The following FOXP1 variants were observed in gnomAD, a reference collection of about 807,000 sequenced individuals.
The protein encoded by FOXP1 is forkhead box protein P1.
Under a neutral mutation model 98.2 loss-of-function variants are expected in FOXP1, and 15 were observed. The ratio of observed to expected loss-of-function variants is 0.15; its 90% CI spans 0.10 to 0.24. The LOEUF is 0.24. Ranked by LOEUF, FOXP1 falls within the 10% of genes least tolerant of loss-of-function variation. The pLI is 1.00. For missense variants in FOXP1, 633 were observed against 848.5 expected, an observed-to-expected ratio of 0.75 and a Z score of 3.15; for synonymous variants, 371 against 314.5, an observed-to-expected ratio of 1.18 and a Z score of -1.90.
intron 3 of FOXP1, among the ~76,000 whole-genome samples, chr3:71,418,347 G>C (rs1258612467): frequency 6.6e-6 from 1 of 152,060 alleles, no homozygotes; most frequent in African/African-American, 2.4e-5. Context: ...GGCTGTGACA[G>C]GGCGACCACA....
intron 3 of FOXP1, among the ~76,000 whole-genome samples, chr3:71,423,179 T>C (rs965405084): frequency 6.6e-6 from 1 of 152,218 alleles, no homozygotes; most frequent in Non-Finnish European, 1.5e-5. Context: ...GGTGAATTTA[T>C]GAATCCACAC....
At chr3:71,074,547 G>C (rs1050396229) in intron 7 of FOXP1, among the ~76,000 whole-genome samples, 1 of 152,088 alleles carries the variant, frequency 6.6e-6, no homozygotes, top group African/African-American at 2.4e-5. Context: ...TATTTAATCA[G>C]TATCTTGAAG....
chr3:70,988,361 G>A (rs761013887), intron 13 of FOXP1, among the ~76,000 whole-genome samples: 44 of 152,192 alleles, frequency 2.9e-4, no homozygotes, highest in Non-Finnish European at 4.6e-4. Flanking sequence ...AGACAAATGT[G>A]AATCATGCCT....
chr3:71,574,753 C>T (rs1218117014), intron 2 of FOXP1, among the ~76,000 whole-genome samples: 1 of 152,114 alleles, frequency 6.6e-6, no homozygotes, highest in Non-Finnish European at 1.5e-5. Context: ...CATTGGGAAA[C>T]ATGGATGCAG....
chr3:71,527,808 GTTGT>G (rs1171818142), intron 2 of FOXP1, among the ~76,000 whole-genome samples: 2 of 152,228 alleles, frequency 1.3e-5, no homozygotes, highest in African/African-American at 4.8e-5. Context: ...AGGGAAGCCT[GTTGT>G]TTAAGAATCA....
At chr3:71,320,381 G>A (rs937833355) in intron 4 of FOXP1, among the ~76,000 whole-genome samples, 21 of 151,660 alleles carry the variant, frequency 1.4e-4, no homozygotes, top group South Asian at 4.2e-4. Context: ...ATTCTACCAC[G>A]GACAGACACT....
chr3:71,188,321 G>A (rs151155821), intron 6 of FOXP1, among the ~76,000 whole-genome samples: 1 of 152,110 alleles, frequency 6.6e-6, no homozygotes, highest in African/African-American at 2.4e-5. Flanking sequence ...CTTCAATGTG[G>A]AGAGACCGAA....
Position 70,958,672 on chromosome 3 carries a change from GATAATTATTTTTTAACCCCTCCCCCCAA to G in FOXP1, c.*547_*574del, listed in dbSNP as rs1295949031. On this transcript the variant is annotated 3_prime_UTR_variant, in exon 21 of 21. Coordinates refer to ENST00000649528, the MANE Select transcript of FOXP1 (RefSeq NM_001349338.3). ...AAAAGCAATACATTAAAAAGTTTGG[GATAATTATTTTTTAACCCCTCCCCCCAA>G]TACACACACAAAGGCCTTCCCCATC... 1 of 164,790 alleles carries G rather than the reference GATAATTATTTTTTAACCCCTCCCCCCAA, an allele frequency of 6.1e-6. No individual in the cohort carries two copies. The highest frequency in any genetic ancestry group is 2.9e-5 in the African/African-American group (1 of 34,864). 10.2% of individuals were successfully genotyped at this position (164,790 alleles called of 1,614,324 possible). A position where few individuals can be genotyped will look rare whatever the true frequency, so the allele number is the denominator to read the frequency against.
Position 70,959,198 on chromosome 3 carries a change from T to A in FOXP1, c.*49A>T. 1 of 1,605,098 alleles carries A rather than the reference T, an allele frequency of 6.2e-7. No homozygotes were observed. The highest frequency in any genetic ancestry group is 8.5e-7 in the Non-Finnish European group (1 of 1,173,780). On this transcript the variant is annotated 3_prime_UTR_variant, in exon 21 of 21. Transcript: ENST00000649528. ...CTGCTAACTTTTGACGTGTTTTTTT[T>A]TTTTTCCTTTTTCCAATCTTCATTC...
At chr3:71,038,124 A>C (rs576626514) in intron 11 of FOXP1, among the ~76,000 whole-genome samples, 1 of 152,322 alleles carries the variant, frequency 6.6e-6, no homozygotes, top group East Asian at 1.9e-4. Flanking sequence ...GCACGGGGGC[A>C]AGAGTGGGGG....
At chr3:71,543,493 A>G (rs1336595361) in intron 2 of FOXP1, 1 of 152,456 alleles carries the variant, frequency 6.6e-6, no homozygotes, top group African/African-American at 2.4e-5. Context: ...ATCATCCCAA[A>G]TGTAGTTGAC....
At chr3:71,343,986 T>G (rs2077173149) in intron 4 of FOXP1, among the ~76,000 whole-genome samples, 1 of 152,212 alleles carries the variant, frequency 6.6e-6, no homozygotes, top group Admixed American at 6.5e-5. Context: ...TTGGATATAT[T>G]TTTTTGTACA....
intron 3 of FOXP1, among the ~76,000 whole-genome samples, chr3:71,392,883 T>C (rs1467455954): frequency 6.6e-6 from 1 of 152,210 alleles, no homozygotes; most frequent in Non-Finnish European, 1.5e-5. Flanking sequence ...TTAATTTACC[T>C]AGAAAGTATC....
intron 2 of FOXP1, among the ~76,000 whole-genome samples, chr3:71,568,690 A>G (rs920531828): frequency 6.6e-6 from 1 of 151,292 alleles, no homozygotes; most frequent in African/African-American, 2.4e-5. Flanking sequence ...TCTGTCACCC[A>G]GGCTGGAGTG....
At chr3:71,526,675 A>C (rs1013095343) in intron 2 of FOXP1, among the ~76,000 whole-genome samples, 1 of 152,202 alleles carries the variant, frequency 6.6e-6, no homozygotes, top group Non-Finnish European at 1.5e-5. Flanking sequence ...GTGAACTAGA[A>C]AAACATTCCC....
At chr3:71,381,437 C>T (rs941725030) in intron 3 of FOXP1, among the ~76,000 whole-genome samples, 15 of 77,706 alleles carry the variant, frequency 1.9e-4, no homozygotes, top group African/African-American at 3.5e-4. Context: ...TGCGCCTGGC[C>T]TTTTTTTTTT....
intron 4 of FOXP1, among the ~76,000 whole-genome samples, chr3:71,315,104 A>AAAAG (rs869278836): frequency 3.0e-5 from 4 of 133,728 alleles, no homozygotes; most frequent in East Asian, 2.0e-4. Context: ...AAAAAAAAAA[A>AAAAG]AAAGAAAGAA....
chr3:71,419,234 C>CA (rs36072859), intron 3 of FOXP1, among the ~76,000 whole-genome samples: 490 of 47,824 alleles, frequency 0.01, 48 homozygotes, highest in East Asian at 0.061. Context: ...GACTCCATCT[C>CA]AAAAAAAAAA....
intron 5 of FOXP1, among the ~76,000 whole-genome samples, chr3:71,291,453 T>C (rs528103849): frequency 2.0e-5 from 3 of 152,168 alleles, no homozygotes; most frequent in Non-Finnish European, 4.4e-5. Context: ...ACATTTCAAG[T>C]GTTCAGCAGC....
Sources: allele counts gnomAD v4.1 joint callset (sites outside exome capture counted in the v4.1 genomes callset), GRCh38; gene constraint gnomAD v4.1.1; transcripts MANE v1.5; gene names NCBI Gene and HGNC (gene_info 2026-07-23, HGNC 2026-07-21).